DMRT1: variants seen among roughly 807,000 people sequenced by gnomAD.
DMRT1 encodes doublesex and mab-3 related transcription factor 1.
In DMRT1, 7 loss-of-function variants were observed where a neutral mutation model predicts 32.3. The ratio of observed to expected loss-of-function variants is 0.22; its 90% CI spans 0.12 to 0.41. DMRT1 has a LOEUF of 0.41. DMRT1 is among the 10% of genes least tolerant of loss of function. The pLI is 1.00. For missense variants in DMRT1, 625 were observed against 500.5 expected (o/e 1.25, Z -2.37); for synonymous variants, 278 against 206.1 (o/e 1.35, Z -2.99).
At chr9:934,643 G>T (rs796445467) in intron 4 of DMRT1, among the ~76,000 whole-genome samples, 9 of 152,268 alleles carry the variant, frequency 5.9e-5, no homozygotes, top group African/African-American at 2.2e-4. Context: ...CCAGGTCTTT[G>T]ATCCATTTTG....
chr9:878,573 AG>A (rs1816606315), intron 2 of DMRT1, among the ~76,000 whole-genome samples: 4 of 152,182 alleles, frequency 2.6e-5, no homozygotes, highest in African/African-American at 4.8e-5. Flanking sequence ...AGAGAAGGCC[AG>A]GAGTGGAAGA....
At chr9:879,353 A>G (rs1436030747) in intron 2 of DMRT1, among the ~76,000 whole-genome samples, 1 of 152,232 alleles carries the variant, frequency 6.6e-6, no homozygotes, top group Non-Finnish European at 1.5e-5. Flanking sequence ...CATACGTAAC[A>G]TACTTCAATA....
rs192051462 is a variant in DMRT1 at position 883,649 on chromosome 9, G to C, written c.539-10263G>C. Among the ~76,000 whole-genome samples the C allele has an allele frequency of 2.7e-3, 414 of 151,462 alleles. 11 individuals are homozygous for C. The highest frequency in any genetic ancestry group is 0.02 in the Admixed American group (310 of 15,198). On this transcript the variant is annotated intron_variant, in intron 2 of 4. Coordinates refer to ENST00000382276, the MANE Select transcript of DMRT1 (RefSeq NM_021951.3). ...CTACAAAAAAAAAAAAAAAATTGCC[G>C]TGTATGGTGGCGTGCCCCTGTAGTC...
At chr9:893,553 T>C (rs555528549) in intron 2 of DMRT1, among the ~76,000 whole-genome samples, 10 of 152,376 alleles carry the variant, frequency 6.6e-5, no homozygotes, top group African/African-American at 2.4e-4. Context: ...CTACAATTAA[T>C]TTTGTTTTAA....
intron 4 of DMRT1, among the ~76,000 whole-genome samples, chr9:932,473 A>T (rs1237333054): frequency 6.6e-6 from 1 of 152,182 alleles, no homozygotes; most frequent in Non-Finnish European, 1.5e-5. Flanking sequence ...ATATATGAAA[A>T]ATAAACTTTT....
In DMRT1 at chr9:968,116, C is replaced by T; in HGVS notation, c.1099C>T (p.Pro367Ser). ...ASEPSSFTVT[P>S]VIEEDE ...GGAGCCCAGCAGCTTCACAGTCACTCCCGTCATCGAGGAGGACGAGTGAGC... is the reference window on the plus strand; with the variant it reads ...GGAGCCCAGCAGCTTCACAGTCACTTCCGTCATCGAGGAGGACGAGTGAGC... Residue 367 changes from proline to serine, a missense_variant, in exon 5 of 5, where the codon CCC becomes TCC. This residue lies in a region of DMRT1 where 416 missense variants were observed against 321.6 expected (regional missense o/e 1.29). Transcript: ENST00000382276. 2 of 1,613,664 alleles carry T rather than the reference C, an allele frequency of 1.2e-6. No individual in the cohort carries two copies. The highest frequency in any genetic ancestry group is 1.7e-6 in the Non-Finnish European group (2 of 1,180,024).
At chr9:875,221 A>G (rs1343733013) in intron 2 of DMRT1, among the ~76,000 whole-genome samples, 2 of 152,150 alleles carry the variant, frequency 1.3e-5, no homozygotes, top group Admixed American at 6.5e-5. Flanking sequence ...TCTTACTCTT[A>G]AAACCAGTAT....
intron 4 of DMRT1, among the ~76,000 whole-genome samples, chr9:930,578 C>CTGTT (rs1818686529): frequency 6.6e-6 from 1 of 151,934 alleles, no homozygotes; most frequent in Non-Finnish European, 1.5e-5. Flanking sequence ...CCAGCAAATC[C>CTGTT]TTTGTATTTT....
chr9:873,382 C>T (rs1816357471), intron 2 of DMRT1, among the ~76,000 whole-genome samples: 3 of 151,862 alleles, frequency 2.0e-5, no homozygotes, highest in African/African-American at 7.3e-5. Context: ...CTTGGCTCAC[C>T]ATAACCTCCA....
chr9:879,692 C>T (rs959548550), intron 2 of DMRT1, among the ~76,000 whole-genome samples: 1 of 152,186 alleles, frequency 6.6e-6, no homozygotes, highest in African/African-American at 2.4e-5. Context: ...TACTCTGTTT[C>T]ATTAAAATCT....
chr9:872,111 G>C (rs1050426553), intron 2 of DMRT1, among the ~76,000 whole-genome samples: 2 of 151,170 alleles, frequency 1.3e-5, no homozygotes, highest in Admixed American at 6.6e-5. Flanking sequence ...ACCCAGGCTG[G>C]AGTGCAGTGG....
chr9:892,287 A>C (rs908718539), intron 2 of DMRT1, among the ~76,000 whole-genome samples: 3 of 151,974 alleles, frequency 2.0e-5, no homozygotes, highest in Non-Finnish European at 4.4e-5. Flanking sequence ...TTATTCTGTA[A>C]CAGCTCCTCC....
chr9:871,250 A>G (rs1172670125), intron 2 of DMRT1, among the ~76,000 whole-genome samples: 2 of 150,380 alleles, frequency 1.3e-5, no homozygotes, highest in Non-Finnish European at 3.0e-5. Flanking sequence ...CTAGTCTTGA[A>G]TTATTGAGCT....
At chr9:878,230 C>T (rs1037106327) in intron 2 of DMRT1, among the ~76,000 whole-genome samples, 11 of 128,262 alleles carry the variant, frequency 8.6e-5, no homozygotes, top group African/African-American at 3.0e-4. Context: ...AAATGTCTGC[C>T]TGTCTTAAGG....
Position 842,004 on chromosome 9 carries a change from T to TCC in DMRT1, c.167_168dup (p.Gly57ProfsTer52). The TCC allele has an allele frequency of 6.4e-7, 1 of 1,557,794 alleles. No homozygotes were observed. Among genetic ancestry groups the TCC allele is most frequent in the Admixed American group, 1.9e-5 (1 of 52,238 alleles). Reference sequence around the variant, plus strand: ...CGGGGGCAGCAGCAGAGGAGGCGGCTCCGGCTCCGGGGCGTCGGACCTGGG... The same window carrying TCC: ...CGGGGGCAGCAGCAGAGGAGGCGGCTCCCCGGCTCCGGGGCGTCGGACCTGGG... On this transcript the variant is annotated frameshift_variant, in exon 1 of 5. Coordinates refer to ENST00000382276, the MANE Select transcript of DMRT1 (RefSeq NM_021951.3). LOFTEE classifies it high-confidence loss of function.
chr9:958,884 G>C (rs566472416), intron 4 of DMRT1, among the ~76,000 whole-genome samples: 1 of 152,218 alleles, frequency 6.6e-6, no homozygotes, highest in Non-Finnish European at 1.5e-5. Flanking sequence ...TCCTCTGGCA[G>C]TGGTGTTGAC....
intron 4 of DMRT1, among the ~76,000 whole-genome samples, chr9:961,120 A>AAGAC (rs1819758013): frequency 6.6e-6 from 1 of 152,166 alleles, no homozygotes; most frequent in Non-Finnish European, 1.5e-5. Context: ...TTCAGGTAGT[A>AAGAC]AGACAGCCCA....
At chr9:872,499 C>A (rs1589480933) in intron 2 of DMRT1, among the ~76,000 whole-genome samples, 1 of 152,216 alleles carries the variant, frequency 6.6e-6, no homozygotes, top group South Asian at 2.1e-4. Context: ...TTCCCCCAGC[C>A]TCTGGTAACC....
intron 4 of DMRT1, 103 bp from the exon 5 acceptor site, chr9:967,882 T>C (rs577085179): frequency 6.2e-6 from 7 of 1,123,862 alleles, no homozygotes; most frequent in Non-Finnish European, 9.1e-6. Flanking sequence ...AGCGTCACTT[T>C]CTTTGTTGTA....
Sources: gnomAD v4.1 joint callset for allele counts (sites outside exome capture counted in the v4.1 genomes callset) on GRCh38, gnomAD v4.1.1 for gene constraint, gnomAD v4.1.1 regional missense constraint, MANE v1.5 for transcripts, NCBI Gene and HGNC (gene_info 2026-07-23, HGNC 2026-07-21) for gene names.